BSPH1: variants seen among roughly 807,000 people sequenced by gnomAD.
BSPH1 encodes the protein binder of sperm 1.
A neutral mutation model predicts 22.5 loss-of-function variants in BSPH1; 21 were observed. The ratio of observed to expected loss-of-function variants is 0.93; its 90% CI spans 0.66 to 1.35. The LOEUF (loss-of-function observed/expected upper bound fraction) is 1.35. Among genes scored for constraint, BSPH1 ranks in the 40% most tolerant of loss-of-function variants. The pLI, the probability that BSPH1 is intolerant of heterozygous loss-of-function variation, is 0.00. For synonymous variants in BSPH1, 42 were observed against 53.6 expected (o/e 0.78, Z 0.95); for missense variants, 141 against 154.2 (o/e 0.91, Z 0.45).
At chr19:47,988,134 CAGA>C (rs1312510757) in intron 1 of BSPH1, among the ~76,000 whole-genome samples, 1 of 152,118 alleles carries the variant, frequency 6.6e-6, no homozygotes, top group African/African-American at 2.4e-5. Context: ...AAACCATTCA[CAGA>C]AGGACAAATA....
intron 5 of BSPH1, among the ~76,000 whole-genome samples, chr19:47,973,203 C>T (rs956742085): frequency 1.4e-5 from 2 of 145,286 alleles, no homozygotes; most frequent in African/African-American, 2.5e-5. Flanking sequence ...GGTGTCAGAG[C>T]GAGACTCCGT....
chr19:47,981,109 C>T (rs891602734), intron 1 of BSPH1, among the ~76,000 whole-genome samples, 168 bp from the exon 2 acceptor site: 1 of 151,996 alleles, frequency 6.6e-6, no homozygotes, highest in African/African-American at 2.4e-5. Context: ...TTCTTACTTT[C>T]CTTTTGCTTT....
intron 5 of BSPH1, among the ~76,000 whole-genome samples, chr19:47,969,109 G>A (rs561111635): frequency 6.6e-6 from 1 of 152,162 alleles, no homozygotes; most frequent in Non-Finnish European, 1.5e-5. Context: ...TTGTTGTTGG[G>A]GCTGGTGCTG....
rs140103574 is a variant in BSPH1 at position 47,988,056 on chromosome 19, A to G, written c.73+3953T>C. 2.7e-4 allele frequency among the ~76,000 whole-genome samples: 41 copies of G among 152,284 alleles called. 1 individual carries two copies. The East Asian group carries it at 7.9e-3, about 29-fold the overall frequency. On this transcript the variant is annotated intron_variant, in intron 1 of 5. Transcript: ENST00000344839. ...AAAATCAGAAAAATTTTAAAAATTA[A>G]AAAAAGAGAAAATCCTGCCGTTTTC... is the stretch of plus-strand genomic sequence containing the variant.
intron 1 of BSPH1, among the ~76,000 whole-genome samples, chr19:47,986,365 T>C (rs540019451): frequency 1.3e-5 from 2 of 152,274 alleles, no homozygotes; most frequent in Admixed American, 1.3e-4. Flanking sequence ...GGTCCTTGGG[T>C]ACCAAACCAT....
rs569001623 is a variant in BSPH1 at position 47,976,787 on chromosome 19, C to T, written c.324G>A (p.Gly108=). Residue 108 remains glycine (G), a synonymous_variant, in exon 5 of 6, where the codon GGG becomes GGA. Coordinates refer to ENST00000344839, the MANE Select transcript of BSPH1 (RefSeq NM_001128326.2). The part of the protein sequence containing the change: ...RLIYWECTDD[G]EAFGKKWCSL... ...AACACCATTTTTTCCCAAATGCTTC[C>T]CCATCATCAGTACACTCCCAGTAGA... The T allele has an allele frequency of 2.9e-5, 45 of 1,551,486 alleles. No homozygotes were observed. Among genetic ancestry groups the T allele is most frequent in the Non-Finnish European group, 3.8e-5 (44 of 1,146,898 alleles).
At chr19:47,987,917 T>C (rs1017338675) in intron 1 of BSPH1, among the ~76,000 whole-genome samples, 1 of 151,898 alleles carries the variant, frequency 6.6e-6, no homozygotes. Context: ...ATTACTTCAG[T>C]CCCGGGAGGC....
chr19:47,984,328 T>C (rs891036289), intron 1 of BSPH1, among the ~76,000 whole-genome samples: 6 of 151,516 alleles, frequency 4.0e-5, no homozygotes, highest in Non-Finnish European at 7.4e-5. Context: ...TGGCTTTCTT[T>C]ATGACCCTTT....
At chr19:47,972,316 T>C (rs1360084497) in intron 5 of BSPH1, among the ~76,000 whole-genome samples, 2 of 150,024 alleles carry the variant, frequency 1.3e-5, no homozygotes, top group African/African-American at 2.4e-5. Flanking sequence ...AGGTTCAGGA[T>C]ACATGTGCAG....
In BSPH1 at chr19:47,977,461, A is replaced by C. The variant is rs1158792740; in HGVS notation, c.168T>G (p.Tyr56Ter). The C allele has an allele frequency of 9.0e-6, 14 of 1,551,704 alleles. No homozygotes were observed. The highest frequency in any genetic ancestry group is 1.2e-5 in the Non-Finnish European group (14 of 1,147,042). The change falls in exon 4 of 6, where the codon TAT (tyrosine) becomes TAG (stop). Residue 56 changes from tyrosine to a stop codon, truncating the protein, a stop_gained. Coordinates refer to ENST00000344839, the MANE Select transcript of BSPH1 (RefSeq NM_001128326.2). LOFTEE classifies it high-confidence loss of function. ...TTGCCTTGGACTTGATGCAGTCATA[A>C]TATGTTCCATTTTTATAGTGGAATG... ...VFPFHYKNGTYYDCIKSKARH... is the reference protein window; with the variant it reads ...VFPFHYKNGT
intron 1 of BSPH1, among the ~76,000 whole-genome samples, chr19:47,988,411 C>A (rs1445568563): frequency 6.6e-6 from 1 of 152,160 alleles, no homozygotes; most frequent in Non-Finnish European, 1.5e-5. Flanking sequence ...ACATCCAGGA[C>A]TCAAAGTCTT....
rs76521935 is a variant in BSPH1, at chr19:47,980,495, T to C, written c.94+426A>G. Reference sequence around the variant, plus strand: ...CTTCTTTCTTTTTTTTTTTTTTTTTTTTTGAGACTGTCACCCAGGCTGGAG... The same window carrying C: ...CTTCTTTCTTTTTTTTTTTTTTTTTCTTTGAGACTGTCACCCAGGCTGGAG... On this transcript the variant is annotated intron_variant, in intron 2 of 5. Transcript: ENST00000344839. 6 of 325,716 alleles carry C rather than the reference T, an allele frequency of 1.8e-5. No individual in the cohort carries two copies. The Admixed American group carries it at 3.3e-4, about 18-fold the overall frequency. The allele number at this position is 325,716 out of a possible 1,614,324, so 20.2% of individuals were successfully genotyped here. A position where few individuals can be genotyped will look rare whatever the true frequency, so the allele number is the denominator to read the frequency against.
chr19:47,973,833 C>G (rs1969334794), intron 5 of BSPH1, among the ~76,000 whole-genome samples: 1 of 152,192 alleles, frequency 6.6e-6, no homozygotes, highest in African/African-American at 2.4e-5. Flanking sequence ...CTTCTCCTTT[C>G]ATTCACTGCC....
chr19:47,990,684 C>T (rs915213682), intron 1 of BSPH1, among the ~76,000 whole-genome samples: 1 of 151,920 alleles, frequency 6.6e-6, no homozygotes. Context: ...GATCATTCTT[C>T]TTGGTCATTC....
chr19:47,987,075 T>A (rs1600092732), intron 1 of BSPH1, among the ~76,000 whole-genome samples: 1 of 152,352 alleles, frequency 6.6e-6, no homozygotes, highest in East Asian at 1.9e-4. Context: ...CCAACCCGTA[T>A]CCATTGTGAC....
downstream of BSPH1, among the ~76,000 whole-genome samples, chr19:47,967,738 G>T (rs1018850396): frequency 3.9e-5 from 6 of 152,192 alleles, no homozygotes; most frequent in African/African-American, 9.7e-5. Flanking sequence ...GGTCCTGGGG[G>T]TTGGGGCTTC....
intron 1 of BSPH1, among the ~76,000 whole-genome samples, chr19:47,989,031 A>G (rs1028443040): frequency 2.6e-5 from 4 of 151,876 alleles, no homozygotes; most frequent in Admixed American, 6.6e-5. Flanking sequence ...GGGGGTGCAT[A>G]TCACATGCTC....
rs879129905 is a variant in BSPH1 at position 47,977,245 on chromosome 19, A to G, written c.256+128T>C. 19 of 673,050 alleles carry G rather than the reference A, an allele frequency of 2.8e-5. No homozygotes were observed. The South Asian group carries it at 3.9e-4, about 14-fold the overall frequency. The allele number at this position is 673,050 out of a possible 1,614,324, so 41.7% of individuals were successfully genotyped here. A position where few individuals can be genotyped will look rare whatever the true frequency, so the allele number is the denominator to read the frequency against. On this transcript the variant is annotated intron_variant, in intron 4 of 5. Coordinates refer to ENST00000344839, the MANE Select transcript of BSPH1 (RefSeq NM_001128326.2). Reference sequence around the variant, plus strand: ...TGATTTTTATATCGTCAGAAATCGAACATCCTTTATTTTCACAACTTAATT... The same window carrying G: ...TGATTTTTATATCGTCAGAAATCGAGCATCCTTTATTTTCACAACTTAATT...
rs1036990761 is a variant in BSPH1 at position 47,989,307 on chromosome 19, G to A, written c.73+2702C>T. Among the ~76,000 whole-genome samples, 53 of 151,620 alleles carry A rather than the reference G, an allele frequency of 3.5e-4. 1 individual carries two copies. The highest frequency in any genetic ancestry group is 4.2e-4 in the South Asian group (2 of 4,782). On this transcript the variant is annotated intron_variant, in intron 1 of 5. Coordinates refer to ENST00000344839, the MANE Select transcript of BSPH1 (RefSeq NM_001128326.2). Reference sequence around the variant, plus strand: ...ATTATAGGCACCTGCCACCATGCCCGGCTAATTGTTGTATTTTTAGTAGAG... The same window carrying A: ...ATTATAGGCACCTGCCACCATGCCCAGCTAATTGTTGTATTTTTAGTAGAG...
Sources: gnomAD v4.1 joint callset for allele counts (sites outside exome capture counted in the v4.1 genomes callset) on GRCh38, gnomAD v4.1.1 for gene constraint, MANE v1.5 for transcripts, NCBI Gene and HGNC (gene_info 2026-07-23, HGNC 2026-07-21) for gene names.